The following DSCAML1 variants were observed in gnomAD, a reference collection of about 807,000 sequenced individuals.
DSCAML1 encodes the protein cell adhesion molecule DSCAML1.
A neutral mutation model predicts 200.5 loss-of-function variants in DSCAML1; 38 were observed. The observed-to-expected ratio is 0.19, with a 90% confidence interval of 0.15 to 0.25. DSCAML1 has a LOEUF of 0.25. Ranked by LOEUF, DSCAML1 falls within the 10% of genes least tolerant of loss-of-function variation. The pLI, the probability that DSCAML1 is intolerant of heterozygous loss-of-function variation, is 1.00. For synonymous variants in DSCAML1, 1,215 were observed against 1,165.0 expected, an observed-to-expected ratio of 1.04 and a Z score of -0.87; for missense variants, 2,223 against 2,858.8, an observed-to-expected ratio of 0.78 and a Z score of 5.07.
rs567715649 is a variant in DSCAML1, at chr11:117,658,998, CT to C, written c.511+117792del. On this transcript the variant is annotated intron_variant, in intron 3 of 32. Transcript: ENST00000651296. ...GGTGCACCAGCCTATTATTATTGGA[CT>C]TGTAACAGAGACACCTCCCTCTCCT... is the stretch of plus-strand genomic sequence containing the variant. Among the ~76,000 whole-genome samples, 619 of 152,250 alleles carry C rather than the reference CT, an allele frequency of 4.1e-3. 4 individuals are homozygous for C. The highest frequency in any genetic ancestry group is 0.014 in the African/African-American group (565 of 41,520).
At chr11:117,792,277 T>G (rs1006754443) in intron 1 of DSCAML1, among the ~76,000 whole-genome samples, 3 of 152,136 alleles carry the variant, frequency 2.0e-5, no homozygotes, top group African/African-American at 7.2e-5. Context: ...CTGGGAAGGC[T>G]TTGGAGCTGC....
chr11:117,757,571 TATACACACACAC>T (rs2054716411), intron 3 of DSCAML1, among the ~76,000 whole-genome samples: 4 of 83,530 alleles, frequency 4.8e-5, no homozygotes, highest in South Asian at 4.2e-4. Flanking sequence ...ATTAGGAGCC[TATACACACACAC>T]ACACACACAC....
intron 3 of DSCAML1, among the ~76,000 whole-genome samples, chr11:117,710,505 T>C (rs2053828130): frequency 6.6e-6 from 1 of 152,166 alleles, no homozygotes; most frequent in South Asian, 2.1e-4. Context: ...CACACATGTA[T>C]ACAGCTTTAT....
At chr11:117,519,897 C>G (rs2049854018) in intron 6 of DSCAML1, among the ~76,000 whole-genome samples, 1 of 152,178 alleles carries the variant, frequency 6.6e-6, no homozygotes, top group East Asian at 1.9e-4. Flanking sequence ...GCTTAGGTTC[C>G]TGGGTGCCTC....
chr11:117,582,176 C>T (rs966757183), intron 3 of DSCAML1, among the ~76,000 whole-genome samples: 1 of 152,182 alleles, frequency 6.6e-6, no homozygotes, highest in Non-Finnish European at 1.5e-5. Context: ...TTCTTCTGGA[C>T]CTGGTGTCTA....
chr11:117,459,098 C>T (rs896255337), intron 18 of DSCAML1, among the ~76,000 whole-genome samples, 189 bp from the exon 19 acceptor site: 14 of 152,230 alleles, frequency 9.2e-5, no homozygotes, highest in African/African-American at 2.9e-4. Flanking sequence ...CCCCAGGCCA[C>T]GTCTCTCTAA....
intron 3 of DSCAML1, among the ~76,000 whole-genome samples, chr11:117,690,651 C>A (rs1006123224): frequency 6.6e-6 from 1 of 152,216 alleles, no homozygotes; most frequent in African/African-American, 2.4e-5. Flanking sequence ...GGAGGAGGAG[C>A]CCAGCCACCT....
intron 3 of DSCAML1, among the ~76,000 whole-genome samples, chr11:117,754,908 C>T (rs758725795): frequency 6.6e-6 from 1 of 152,152 alleles, no homozygotes; most frequent in Non-Finnish European, 1.5e-5. Context: ...GCTGAGATCC[C>T]CAGCGTGGGA....
chr11:117,598,114 C>A (rs187676243), intron 3 of DSCAML1, among the ~76,000 whole-genome samples: 5 of 152,292 alleles, frequency 3.3e-5, no homozygotes, highest in African/African-American at 1.2e-4. Context: ...GAAAGCAGAA[C>A]ATGAAACCTT....
intron 3 of DSCAML1, among the ~76,000 whole-genome samples, chr11:117,585,938 G>GGCA (rs1354329803): frequency 6.6e-6 from 1 of 152,184 alleles, no homozygotes; most frequent in African/African-American, 2.4e-5. Flanking sequence ...GGACCCTGAG[G>GGCA]GCAGCATGGT....
At chr11:117,747,508 G>C (rs2054537306) in intron 3 of DSCAML1, among the ~76,000 whole-genome samples, 1 of 152,114 alleles carries the variant, frequency 6.6e-6, no homozygotes. Context: ...GCAAGGTAGG[G>C]AGTTACACAT....
At chr11:117,490,256 G>A (rs2049158776) in intron 11 of DSCAML1, among the ~76,000 whole-genome samples, 1 of 152,232 alleles carries the variant, frequency 6.6e-6, no homozygotes, top group African/African-American at 2.4e-5. Context: ...GTTCCCGTCT[G>A]TGAAATTACT....
intron 3 of DSCAML1, among the ~76,000 whole-genome samples, chr11:117,695,315 C>CTTTTTTTTTTTTTTTTTTTT (rs753748981): frequency 3.6e-4 from 42 of 116,678 alleles, no homozygotes; most frequent in African/African-American, 5.7e-4. Flanking sequence ...CTTTCTTTTT[C>CTTTTTTTTTTTTTTTTTTTT]TTTTTTTTTT....
At chr11:117,547,318 G>A (rs555683668) in intron 3 of DSCAML1, among the ~76,000 whole-genome samples, 96 of 152,256 alleles carry the variant, frequency 6.3e-4, no homozygotes, top group African/African-American at 2.2e-3. Context: ...ATTACAATTC[G>A]GGAAAGCTAC....
At chr11:117,681,374 C>T (rs1421825553) in intron 3 of DSCAML1, among the ~76,000 whole-genome samples, 1 of 152,192 alleles carries the variant, frequency 6.6e-6, no homozygotes, top group Non-Finnish European at 1.5e-5. Flanking sequence ...GTGATTCTTA[C>T]GTGCATTCAT....
Position 117,700,062 on chromosome 11 carries a change from C to A in DSCAML1, c.511+76729G>T, listed in dbSNP as rs563585773. Among the ~76,000 whole-genome samples the A allele has an allele frequency of 2.8e-4, 42 of 152,242 alleles. 1 individual carries two copies. The South Asian group carries it at 8.7e-3, about 32-fold the overall frequency. On this transcript the variant is annotated intron_variant, in intron 3 of 32. Transcript: ENST00000651296. ...ATAAAGAGACCTCGTGCTTGTGTGG[C>A]GTCCTTCATCTTTTGGGAGCTCACA...
intron 3 of DSCAML1, among the ~76,000 whole-genome samples, chr11:117,694,397 C>G (rs2053551266): frequency 1.3e-5 from 2 of 150,838 alleles, no homozygotes; most frequent in East Asian, 3.9e-4. Context: ...CAGAGCTAGA[C>G]TCCATCTCAA....
chr11:117,583,858 G>GAAA (rs1170888811), intron 3 of DSCAML1, among the ~76,000 whole-genome samples: 2 of 152,234 alleles, frequency 1.3e-5, no homozygotes, highest in Non-Finnish European at 2.9e-5. Flanking sequence ...ACCCTGGTGT[G>GAAA]AAAGACTGAT....
At chr11:117,736,699 C>T (rs147810172) in intron 3 of DSCAML1, among the ~76,000 whole-genome samples, 63 of 152,340 alleles carry the variant, frequency 4.1e-4, no homozygotes, top group African/African-American at 1.4e-3. Context: ...CCCTGACACA[C>T]ACACATTTCC....
Sources: allele counts gnomAD v4.1 joint callset (sites outside exome capture counted in the v4.1 genomes callset), GRCh38; gene constraint gnomAD v4.1.1; transcripts MANE v1.5; gene names NCBI Gene and HGNC (gene_info 2026-07-23, HGNC 2026-07-21).